Variants in DNAH10 observed in about 807,000 individuals in gnomAD.
DNAH10 encodes dynein axonemal heavy chain 10.
A neutral mutation model predicts 506.6 loss-of-function variants in DNAH10; 348 were observed. The observed-to-expected ratio is 0.69, with a 90% CI of 0.63 to 0.75. The LOEUF (loss-of-function observed/expected upper bound fraction) is 0.75, where lower values mean the gene tolerates loss of function less well. Among genes scored for constraint, DNAH10 ranks in the 30% least tolerant of loss-of-function variants. The pLI is 0.00. For synonymous variants in DNAH10, 2,059 were observed against 2,198.6 expected, an observed-to-expected ratio of 0.94 and a Z score of 1.78; for missense variants, 5,179 against 5,787.1, an observed-to-expected ratio of 0.89 and a Z score of 3.41.
intron 47 of DNAH10, among the ~76,000 whole-genome samples, chr12:123,876,755 A>C (rs964454547): frequency 2.0e-5 from 3 of 152,242 alleles, no homozygotes; most frequent in South Asian, 4.1e-4. Flanking sequence ...CGAGCCCAGC[A>C]GTTCAAGACC....
At chr12:123,790,283 G>A (rs1052531789) in intron 11 of DNAH10, among the ~76,000 whole-genome samples, 162 bp downstream of exon 11, 3 of 152,124 alleles carry the variant, frequency 2.0e-5, no homozygotes, top group Non-Finnish European at 4.4e-5. Context: ...AGTGCATAAG[G>A]TAAAAATGAA....
Position 123,802,368 on chromosome 12 carries a change from C to T in DNAH10, c.2614+936C>T, listed in dbSNP as rs139598678. On this transcript the variant is annotated intron_variant, in intron 16 of 78. Transcript: ENST00000673944. ...TTGTCCAGGCTGGAGTGCAGTGGGGCAATCTCAGCTCACTGCAATCTCCAC... is the reference window on the plus strand; with the variant it reads ...TTGTCCAGGCTGGAGTGCAGTGGGGTAATCTCAGCTCACTGCAATCTCCAC... 1.2e-3 allele frequency among the ~76,000 whole-genome samples: 187 copies of T among 152,228 alleles called. 1 individual carries two copies. Among genetic ancestry groups the T allele is most frequent in the African/African-American group, 4.0e-3 (165 of 41,536 alleles).
At chr12:123,786,452 C>T (rs1206371266) in intron 9 of DNAH10, among the ~76,000 whole-genome samples, 2 of 151,230 alleles carry the variant, frequency 1.3e-5, no homozygotes, top group African/African-American at 2.4e-5. Flanking sequence ...AGTCAGTCCT[C>T]GCCTCTCCCC....
At chr12:123,793,468 AC>A (rs1227125881) in intron 11 of DNAH10, among the ~76,000 whole-genome samples, 1 of 151,418 alleles carries the variant, frequency 6.6e-6, no homozygotes, top group African/African-American at 2.4e-5. Context: ...CCTCCAGAGT[AC>A]CTGGGACTAC....
intron 56 of DNAH10, among the ~76,000 whole-genome samples, chr12:123,900,860 T>A (rs957263513): frequency 1.3e-5 from 2 of 152,276 alleles, no homozygotes; most frequent in Admixed American, 6.5e-5. Flanking sequence ...GAGGTTGGCA[T>A]CCTATTAGCT....
Position 123,930,578 on chromosome 12 carries a change from G to A in DNAH10, c.12784+5G>A, listed in dbSNP as rs150263302. The A allele has an allele frequency of 6.2e-7, 1 of 1,605,290 alleles. No individual in the cohort carries two copies. The highest frequency in any genetic ancestry group is 8.5e-7 in the Non-Finnish European group (1 of 1,177,738). ...ATGAAAAGGAGAAATTTGTTGGTGAGATTTCTCAGACATGAAAAGATGTTT... is the reference window on the plus strand; with the variant it reads ...ATGAAAAGGAGAAATTTGTTGGTGAAATTTCTCAGACATGAAAAGATGTTT... On this transcript the variant is annotated splice_donor_5th_base_variant and intron_variant, in intron 73 of 78. Transcript: ENST00000673944.
chr12:123,898,929 TC>T (rs1329184223), intron 56 of DNAH10, 115 bp downstream of exon 56: 1 of 1,412,458 alleles, frequency 7.1e-7, no homozygotes, highest in Non-Finnish European at 9.3e-7. Flanking sequence ...TGCCAGGCCG[TC>T]CCTGTGAAAC....
chr12:123,796,503 A>G (rs1272153121), intron 12 of DNAH10, among the ~76,000 whole-genome samples, 153 bp from the exon 13 acceptor site: 1 of 152,202 alleles, frequency 6.6e-6, no homozygotes, highest in Non-Finnish European at 1.5e-5. Context: ...AAGAAAAAGT[A>G]GTAAATAATA....
Position 123,896,600 on chromosome 12 carries a change from C to T in DNAH10, c.9281-1170C>T, listed in dbSNP as rs1018608992. Reference sequence around the variant, plus strand: ...AGGGGAGCAACAGGGCAGAGTTAGACGTGGTGATCGCTTCTGAAAACCCAA... The same window carrying T: ...AGGGGAGCAACAGGGCAGAGTTAGATGTGGTGATCGCTTCTGAAAACCCAA... On this transcript the variant is annotated intron_variant, in intron 54 of 78. Coordinates refer to ENST00000673944, the MANE Select transcript of DNAH10 (RefSeq NM_001372106.1). 5.3e-5 allele frequency among the ~76,000 whole-genome samples: 8 copies of T among 151,714 alleles called. No homozygotes were observed. In the East Asian group the frequency reaches 7.8e-4, roughly 15 times the overall value.
chr12:123,852,569 T>A lies in DNAH10; in HGVS notation c.6292-637T>A, dbSNP rs113604746. The stretch of plus-strand genomic sequence containing the variant: ...GTGGCTGACTTGTCCTCAAAGACAT[T>A]TACAGCCTTTTTTTTTTTTTTGAGA... On this transcript the variant is annotated intron_variant, in intron 35 of 78. Transcript: ENST00000673944. 1.0e-3 allele frequency among the ~76,000 whole-genome samples: 151 copies of A among 151,738 alleles called. 1 individual carries two copies. The highest frequency in any genetic ancestry group is 3.5e-3 in the African/African-American group (144 of 41,404).
rs557964483 is a variant in DNAH10 at position 123,780,683 on chromosome 12, G to C, written c.622-397G>C. Among the ~76,000 whole-genome samples the C allele has an allele frequency of 1.7e-4, 26 of 151,956 alleles. No individual in the cohort carries two copies. In the South Asian group the frequency reaches 5.2e-3, roughly 30 times the overall value. On this transcript the variant is annotated intron_variant, in intron 5 of 78. Coordinates refer to ENST00000673944, the MANE Select transcript of DNAH10 (RefSeq NM_001372106.1). ...TAAAAGAATATTCAGGCTGGGTGCA[G>C]TGGCTCACGCCTGTAATCCCAGCAC...
chr12:123,822,472 A>G (rs140329468), intron 24 of DNAH10, among the ~76,000 whole-genome samples: 1 of 152,282 alleles, frequency 6.6e-6, no homozygotes, highest in East Asian at 1.9e-4. Context: ...ATCTATATCT[A>G]TATCTGTCTA....
Position 123,924,369 on chromosome 12 carries a change from G to T in DNAH10, c.11703G>T (p.Met3901Ile). The change falls in exon 67 of 79, where the codon ATG becomes ATT. Residue 3901 changes from methionine to isoleucine, a missense_variant. By Grantham distance (10) the Met-to-Ile change is conservative (BLOSUM62 1). Around this residue, in one of 3 missense-constraint regions of DNAH10, gnomAD observed 4,844 missense variants for 5,430.5 expected, o/e 0.89. Coordinates refer to ENST00000673944, the MANE Select transcript of DNAH10 (RefSeq NM_001372106.1). ...GWEDIILLSE[M>I]FSDNFGQLPD... ...AAGATATCATTCTTTTATCAGAAAT[G>T]TTTTCAGACAACTTTGGGCAACTTC... 1 of 1,613,792 alleles carries T rather than the reference G, an allele frequency of 6.2e-7. No individual in the cohort carries two copies.
Position 123,846,231 on chromosome 12 carries a change from C to T in DNAH10, c.5814+77C>T. On this transcript the variant is annotated intron_variant, in intron 32 of 78. Coordinates refer to ENST00000673944, the MANE Select transcript of DNAH10 (RefSeq NM_001372106.1). This position sits in a 1 kb window ranked among gnomAD's most constrained non-coding sequence, Gnocchi z 4.5. ...TTTCTCTAAGCTTGAGGTGTGATGA[C>T]TGCAGTGATTGAAATAGCAGGGGAG... 6.8e-7 allele frequency: 1 copy of T among 1,479,862 alleles called. No individual in the cohort carries two copies. Among genetic ancestry groups the T allele is most frequent in the Non-Finnish European group, 9.1e-7 (1 of 1,103,874 alleles). 91.7% of individuals were successfully genotyped at this position (1,479,862 alleles called of 1,614,324 possible).
At position 123,804,939 on chromosome 12, in the gene DNAH10, C is replaced by G. The variant is rs777626176; in HGVS notation, c.2886C>G (p.Gly962=). Residue 962 remains glycine (G), a synonymous_variant, in exon 18 of 79, where the codon GGC becomes GGG. Coordinates refer to ENST00000673944, the MANE Select transcript of DNAH10 (RefSeq NM_001372106.1). ...GACCACTGCTGACCAAAGTTGAGGG[C>G]CTGGTCGTCCACACCAACACAGGCA... ...AIGPLLTKVE[G]LVVHTNTGKA... The G allele has an allele frequency of 6.2e-7, 1 of 1,614,176 alleles. No individual in the cohort carries two copies. Among genetic ancestry groups the G allele is most frequent in the Non-Finnish European group, 8.5e-7 (1 of 1,180,040 alleles).
chr12:123,838,820 G>A, intron 29 of DNAH10, 131 bp downstream of exon 29: 1 of 868,096 alleles, frequency 1.2e-6, no homozygotes, highest in Non-Finnish European at 1.8e-6. Context: ...TGGTTTTTTG[G>A]TTTGTTTTTT....
chr12:123,875,352 C>T lies in DNAH10; in HGVS notation c.8060C>T (p.Ala2687Val). 3.1e-6 allele frequency: 5 copies of T among 1,613,986 alleles called. No individual in the cohort carries two copies. The highest frequency in any genetic ancestry group is 4.2e-6 in the Non-Finnish European group (5 of 1,179,882). ...AGCATTCGAGACCTTGGCTTTATTG[C>T]TGCAATGGGAAAGGCTGGAGGAGGC... Reference protein sequence around the residue: ...CKSIRDLGFIAAMGKAGGGRN... With the variant: ...CKSIRDLGFIVAMGKAGGGRN... Residue 2687 changes from alanine to valine, a missense_variant, in exon 47 of 79, where the codon GCT (alanine) becomes GTT (valine). By Grantham distance (64) the Ala-to-Val change is moderately conservative. This residue lies in a region of DNAH10 where 4,844 missense variants were observed against 5,430.5 expected (regional missense o/e 0.89). Coordinates refer to ENST00000673944, the MANE Select transcript of DNAH10 (RefSeq NM_001372106.1).
rs1957829678 is a variant in DNAH10 at position 123,785,843 on chromosome 12, A to G, written c.1328A>G (p.Asn443Ser). ...RMVWIISRHY[N>S]KDERMIPLME... is the part of the protein sequence containing the mutation. ...GTGTGGATCATCTCCCGACACTACA[A>G]CAAAGACGAGAGGATGATTCCGCTC... The change falls in exon 9 of 79, where the codon AAC becomes AGC. Residue 443 changes from asparagine (N) to serine (S), a missense_variant. Transcript: ENST00000673944. The surrounding 1 kb of genome is among the most constrained non-coding windows in gnomAD (Gnocchi z 4.1). 2.5e-6 allele frequency: 4 copies of G among 1,613,950 alleles called. No individual in the cohort carries two copies.
At chr12:123,848,169 C>T (rs1951030538) in intron 33 of DNAH10, 74 bp downstream of exon 33, 2 of 1,543,868 alleles carry the variant, frequency 1.3e-6, no homozygotes, top group East Asian at 2.3e-5. Context: ...CATTTCACCT[C>T]CTAGTCTTTG....
Sources: gnomAD v4.1 joint callset for allele counts (sites outside exome capture counted in the v4.1 genomes callset) on GRCh38, gnomAD v4.1.1 for gene constraint, gnomAD v4.1.1 regional missense constraint, Gnocchi (gnomAD v3.1) non-coding constraint, MANE v1.5 for transcripts, NCBI Gene and HGNC (gene_info 2026-07-23, HGNC 2026-07-21) for gene names.